Variants in PAX7 observed in about 807,000 individuals in gnomAD.
PAX7 encodes the protein paired box 7, also known as paired box protein Pax-7.
In PAX7, 18 loss-of-function variants were observed where a neutral mutation model predicts 50.7. That is an observed-to-expected ratio of 0.36 (90% CI 0.25 to 0.53). The LOEUF is 0.53. Ranked by LOEUF, PAX7 falls within the 20% of genes least tolerant of loss-of-function variation. The pLI, the probability that PAX7 is intolerant of heterozygous loss-of-function variation, is 0.93. For missense variants in PAX7, 644 were observed against 702.9 expected, an observed-to-expected ratio of 0.92 and a Z score of 0.95; for synonymous variants, 310 against 290.4, an observed-to-expected ratio of 1.07 and a Z score of -0.69.
At chr1:18,673,102 C>T (rs1017384481) in intron 4 of PAX7, among the ~76,000 whole-genome samples, 1 of 152,112 alleles carries the variant, frequency 6.6e-6, no homozygotes, top group Non-Finnish European at 1.5e-5. Context: ...GCGTGGGTTC[C>T]GACTCCCGAT....
intron 5 of PAX7, among the ~76,000 whole-genome samples, chr1:18,694,810 C>T (rs771547658): frequency 3.9e-5 from 6 of 152,170 alleles, no homozygotes; most frequent in Non-Finnish European, 7.3e-5. Flanking sequence ...TCCCTATTTA[C>T]TGACAATCAG....
intron 4 of PAX7, among the ~76,000 whole-genome samples, chr1:18,683,236 G>T (rs905067329): frequency 3.2e-4 from 48 of 152,332 alleles, no homozygotes; most frequent in African/African-American, 1.0e-3. Flanking sequence ...TGAATCAAGC[G>T]TGGATAGTTT....
intron 4 of PAX7, among the ~76,000 whole-genome samples, chr1:18,654,836 T>C (rs1466767826): frequency 6.6e-6 from 1 of 152,126 alleles, no homozygotes; most frequent in African/African-American, 2.4e-5. Flanking sequence ...CTCAGTGAGG[T>C]AAAGTCACTT....
chr1:18,663,971 G>A lies in PAX7; in HGVS notation c.586+27600G>A, dbSNP rs534237845. The stretch of plus-strand genomic sequence containing the variant: ...AGTGAGAAAGCACAGAGGTGAAATG[G>A]GGGCTTAGAAAGCCCCCACCCCACC... On this transcript the variant is annotated intron_variant, in intron 4 of 8. Coordinates refer to ENST00000420770, the MANE Select transcript of PAX7 (RefSeq NM_001135254.2). Among the ~76,000 whole-genome samples the A allele has an allele frequency of 2.0e-5, 3 of 152,302 alleles. No homozygotes were observed. The East Asian group carries it at 5.8e-4, about 29-fold the overall frequency.
At chr1:18,691,660 G>A in intron 4 of PAX7, 94 bp from the exon 5 acceptor site, 1 of 1,060,728 alleles carries the variant, frequency 9.4e-7, no homozygotes, top group Non-Finnish European at 1.4e-6. Flanking sequence ...GGTCCTAGGT[G>A]GGCACGAGTG....
At chr1:18,659,616 G>T (rs1481789984) in intron 4 of PAX7, among the ~76,000 whole-genome samples, 1 of 152,302 alleles carries the variant, frequency 6.6e-6, no homozygotes, top group East Asian at 1.9e-4. Context: ...AGAGAGAGTG[G>T]AAAGGAAAGG....
chr1:18,635,263 A>AG, intron 3 of PAX7, 23 bp downstream of exon 3: 1 of 1,612,454 alleles, frequency 6.2e-7, no homozygotes. Context: ...CTGAGCCGGC[A>AG]GAGCTGGCCC....
chr1:18,676,810 T>C (rs1205654794), intron 4 of PAX7, among the ~76,000 whole-genome samples: 3 of 152,192 alleles, frequency 2.0e-5, no homozygotes, highest in African/African-American at 7.2e-5. Flanking sequence ...CCCCGCTGTA[T>C]GCCTGGCACT....
intron 4 of PAX7, among the ~76,000 whole-genome samples, chr1:18,639,992 CG>C (rs1191543815): frequency 1.5e-4 from 4 of 26,462 alleles, no homozygotes; most frequent in South Asian, 1.4e-3. Flanking sequence ...GGGGACGGGG[CG>C]GGGGGGAAAT....
chr1:18,666,294 C>T (rs1413763641), intron 4 of PAX7, among the ~76,000 whole-genome samples: 1 of 152,164 alleles, frequency 6.6e-6, no homozygotes, highest in Non-Finnish European at 1.5e-5. Context: ...GGCTGAAGGC[C>T]AACTCCAAAC....
intron 7 of PAX7, among the ~76,000 whole-genome samples, chr1:18,734,978 G>A (rs1473698241): frequency 2.0e-5 from 3 of 152,146 alleles, no homozygotes; most frequent in Admixed American, 1.3e-4. Flanking sequence ...TCCTATTTGC[G>A]GAACCTGGCC....
chr1:18,665,439 G>A (rs374322077), intron 4 of PAX7, among the ~76,000 whole-genome samples: 3 of 151,806 alleles, frequency 2.0e-5, no homozygotes, highest in African/African-American at 7.3e-5. Context: ...GCAGTGGCAC[G>A]ATCTCGGCTC....
At chr1:18,674,333 G>T (rs1282084970) in intron 4 of PAX7, among the ~76,000 whole-genome samples, 1 of 152,198 alleles carries the variant, frequency 6.6e-6, no homozygotes, top group Non-Finnish European at 1.5e-5. Context: ...TCTTTTAAAG[G>T]CCACTCTCCT....
chr1:18,707,415 CTTTTTTTTTTTT>C (rs60914648), intron 7 of PAX7, among the ~76,000 whole-genome samples: 1 of 28,066 alleles, frequency 3.6e-5, no homozygotes, highest in Non-Finnish European at 7.5e-5. Flanking sequence ...TTTTTTCTTT[CTTTTTTTTTTTT>C]TTTTTTTTTT....
At chr1:18,729,793 CA>C (rs2089623538) in intron 7 of PAX7, among the ~76,000 whole-genome samples, 1 of 152,156 alleles carries the variant, frequency 6.6e-6, no homozygotes, top group African/African-American at 2.4e-5. Context: ...GAGTGGGGTG[CA>C]ACTTGTCAAA....
intron 4 of PAX7, among the ~76,000 whole-genome samples, chr1:18,664,961 T>C (rs2088647738): frequency 6.6e-6 from 1 of 152,122 alleles, no homozygotes; most frequent in Non-Finnish European, 1.5e-5. Flanking sequence ...TGTAGTGTGG[T>C]GGCTAATCTT....
rs1312976117 is a variant in PAX7, at chr1:18,634,361, G to T, written c.144G>T (p.Gly48=). 1 of 1,614,012 alleles carries T rather than the reference G, an allele frequency of 6.2e-7. No individual in the cohort carries two copies. The highest frequency in any genetic ancestry group is 8.5e-7 in the Non-Finnish European group (1 of 1,180,030). ...VNQLGGVFIN[G]RPLPNHIRHK... is the part of the protein sequence containing the mutation. ...AGCTGGGAGGGGTCTTCATCAATGG[G>T]CGACCCCTGCCTAACCACATCCGCC... Residue 48 remains glycine, a synonymous_variant, in exon 2 of 9, where the codon GGG becomes GGT. Transcript: ENST00000420770. The surrounding 1 kb of genome is among the most constrained non-coding windows in gnomAD (Gnocchi z 4.0).
At chr1:18,672,618 G>A (rs12093653) in intron 4 of PAX7, among the ~76,000 whole-genome samples, 2 of 90,360 alleles carry the variant, frequency 2.2e-5, no homozygotes, top group African/African-American at 6.8e-5. Flanking sequence ...TTTTTTTTTT[G>A]TGAGACTAAG....
At chr1:18,716,373 A>C (rs1570217536) in intron 7 of PAX7, among the ~76,000 whole-genome samples, 5 of 144,184 alleles carry the variant, frequency 3.5e-5, no homozygotes, top group African/African-American at 7.8e-5. Flanking sequence ...AGCCTCCCCC[A>C]CCCCTCAGCC....
Sources: allele counts gnomAD v4.1 joint callset (sites outside exome capture counted in the v4.1 genomes callset), GRCh38; gene constraint gnomAD v4.1.1; non-coding constraint Gnocchi (gnomAD v3.1); transcripts MANE v1.5; gene names NCBI Gene and HGNC (gene_info 2026-07-23, HGNC 2026-07-21).